NCAM2: variants seen among roughly 807,000 people sequenced by gnomAD.
NCAM2 encodes the protein N-CAM-2.
NCAM2 carries 30 observed loss-of-function variants against 98.1 expected under a neutral mutation model. The ratio of observed to expected loss-of-function variants is 0.31; its 90% CI spans 0.23 to 0.41. The LOEUF (loss-of-function observed/expected upper bound fraction) is 0.41, where lower values mean the gene tolerates loss of function less well. Ranked by LOEUF, NCAM2 falls within the 10% of genes least tolerant of loss-of-function variation. The pLI is 1.00. For missense variants in NCAM2, 867 were observed against 1,005.8 expected (o/e 0.86, Z 1.87); for synonymous variants, 368 against 342.4 (o/e 1.07, Z -0.83).
chr21:21,329,630 T>C (rs1346255748), intron 6 of NCAM2, among the ~76,000 whole-genome samples: 3 of 152,200 alleles, frequency 2.0e-5, no homozygotes, highest in African/African-American at 7.2e-5. Flanking sequence ...TGTTCCATCA[T>C]TTTCTTGTTC....
intron 1 of NCAM2, among the ~76,000 whole-genome samples, chr21:21,224,929 G>C (rs1466834029): frequency 4.6e-5 from 7 of 152,038 alleles, no homozygotes; most frequent in African/African-American, 1.7e-4. Flanking sequence ...TGAAATGTTG[G>C]CTCCTTTCCA....
intron 1 of NCAM2, among the ~76,000 whole-genome samples, chr21:21,069,103 T>G (rs1341448956): frequency 6.6e-6 from 1 of 152,206 alleles, no homozygotes. Context: ...ATATTCACTA[T>G]GGAGAATATT....
intron 1 of NCAM2, among the ~76,000 whole-genome samples, chr21:21,167,780 A>T (rs957550678): frequency 2.0e-5 from 3 of 152,230 alleles, no homozygotes; most frequent in African/African-American, 7.2e-5. Flanking sequence ...GAAACAGATT[A>T]TCTGACTAGG....
intron 1 of NCAM2, among the ~76,000 whole-genome samples, chr21:21,251,089 C>G (rs554776259): frequency 1.3e-5 from 2 of 152,020 alleles, no homozygotes; most frequent in African/African-American, 2.4e-5. Context: ...ATTTTTTTTC[C>G]TTATTGATTA....
intron 15 of NCAM2, among the ~76,000 whole-genome samples, chr21:21,481,146 T>C (rs1403675993): frequency 6.6e-6 from 1 of 152,156 alleles, no homozygotes; most frequent in African/African-American, 2.4e-5. Context: ...GTAGTACTCA[T>C]TTGTGTTTGC....
chr21:21,327,306 CAAAA>C lies in NCAM2; in HGVS notation c.737+2827_737+2830del, dbSNP rs11384559. 3.7e-5 allele frequency among the ~76,000 whole-genome samples: 3 copies of C among 82,178 alleles called. No homozygotes were observed. The Admixed American group carries it at 4.9e-4, about 14-fold the overall frequency. The allele number at this position is 82,178 out of a possible 152,430, so 53.9% of individuals were successfully genotyped here. ...CAGGCAACAGAGCAAGACTCTGTCT[CAAAA>C]AAAAAAAAAAAAAAAAAAAATTTCT... On this transcript the variant is annotated intron_variant, in intron 6 of 17. Transcript: ENST00000400546.
chr21:21,157,252 C>G (rs190811688), intron 1 of NCAM2, among the ~76,000 whole-genome samples: 1 of 152,144 alleles, frequency 6.6e-6, no homozygotes, highest in East Asian at 1.9e-4. Flanking sequence ...TACTTGAACC[C>G]GAGCTAAAAT....
At chr21:21,377,815 C>T (rs1362364393) in intron 9 of NCAM2, among the ~76,000 whole-genome samples, 1 of 151,812 alleles carries the variant, frequency 6.6e-6, no homozygotes, top group South Asian at 2.1e-4. Flanking sequence ...ACCCTTTGAT[C>T]AATAACTCCC....
chr21:21,428,476 A>G (rs531884212), intron 11 of NCAM2, among the ~76,000 whole-genome samples: 1 of 152,178 alleles, frequency 6.6e-6, no homozygotes, highest in Admixed American at 6.5e-5. Flanking sequence ...AAGTGATGTG[A>G]TCAGAGTGGT....
intron 1 of NCAM2, among the ~76,000 whole-genome samples, chr21:21,261,896 A>T (rs768940872): frequency 3.3e-5 from 5 of 152,116 alleles, no homozygotes; most frequent in Non-Finnish European, 7.4e-5. Flanking sequence ...CCAAAAAATC[A>T]TACAAAGAAT....
chr21:21,080,176 G>C (rs1268408911), intron 1 of NCAM2, among the ~76,000 whole-genome samples: 2 of 152,144 alleles, frequency 1.3e-5, no homozygotes, highest in Non-Finnish European at 2.9e-5. Context: ...TTTTATGGGT[G>C]TATGTATTTG....
intron 1 of NCAM2, among the ~76,000 whole-genome samples, chr21:21,073,370 A>G (rs1414782785): frequency 6.6e-5 from 10 of 152,212 alleles, no homozygotes; most frequent in African/African-American, 2.4e-4. Flanking sequence ...ATCTGTGTCT[A>G]AAAAAGAGTT....
At chr21:21,445,200 G>A (rs942022933) in intron 12 of NCAM2, among the ~76,000 whole-genome samples, 11 of 152,126 alleles carry the variant, frequency 7.2e-5, no homozygotes, top group Admixed American at 7.2e-4. Flanking sequence ...CTGAGAGGCT[G>A]TTCGCTATGA....
chr21:21,113,477 ATTATC>A (rs1378914463), intron 1 of NCAM2, among the ~76,000 whole-genome samples: 2 of 152,222 alleles, frequency 1.3e-5, no homozygotes, highest in African/African-American at 2.4e-5. Flanking sequence ...AGATACAATA[ATTATC>A]TTGAGGAAGA....
At chr21:21,200,677 T>C (rs9306004) in intron 1 of NCAM2, among the ~76,000 whole-genome samples, 150,594 of 150,834 alleles carry the variant, frequency 1, 75,177 homozygotes, top group Middle Eastern at 1. Context: ...TACAGGAAAT[T>C]ATTTGACTCA....
chr21:21,103,349 A>C (rs2066282986), intron 1 of NCAM2, among the ~76,000 whole-genome samples: 1 of 152,096 alleles, frequency 6.6e-6, no homozygotes. Context: ...GAAACTTAAC[A>C]AAAGGCTGAT....
chr21:21,451,466 T>A (rs1336487522), intron 12 of NCAM2, among the ~76,000 whole-genome samples: 1 of 152,130 alleles, frequency 6.6e-6, no homozygotes, highest in Non-Finnish European at 1.5e-5. Context: ...TTACCAAGAT[T>A]TTTAAAAAAT....
At chr21:21,255,071 C>A (rs1254810598) in intron 1 of NCAM2, among the ~76,000 whole-genome samples, 1 of 151,816 alleles carries the variant, frequency 6.6e-6, no homozygotes, top group African/African-American at 2.4e-5. Context: ...GAATACATAC[C>A]AAGCTATCAG....
intron 16 of NCAM2, among the ~76,000 whole-genome samples, chr21:21,511,127 C>T (rs13050129): frequency 0.34 from 52,325 of 151,820 alleles, 10,240 homozygotes; most frequent in Non-Finnish European, 0.46. Flanking sequence ...GAACACATTC[C>T]AATTCTCCTC....
Sources: gnomAD v4.1 joint callset for allele counts (sites outside exome capture counted in the v4.1 genomes callset) on GRCh38, gnomAD v4.1.1 for gene constraint, MANE v1.5 for transcripts, NCBI Gene and HGNC (gene_info 2026-07-23, HGNC 2026-07-21) for gene names.